The following METTL14 variants were observed in gnomAD, a reference collection of about 807,000 sequenced individuals.
The protein encoded by METTL14 is N(6)-adenosine-methyltransferase non-catalytic subunit METTL14.
METTL14 carries 32 observed loss-of-function variants against 62.4 expected under a neutral mutation model. The observed-to-expected ratio is 0.51, with a 90% CI of 0.39 to 0.69. The LOEUF (loss-of-function observed/expected upper bound fraction) is 0.69, where lower values mean the gene tolerates loss of function less well. METTL14 is among the 30% of genes least tolerant of loss of function. METTL14 has a pLI of 0.00. For synonymous variants in METTL14, 150 were observed against 180.0 expected (o/e 0.83, Z 1.34); for missense variants, 340 against 551.9 (o/e 0.62, Z 3.85).
In METTL14 at chr4:118,709,333, A is replaced by G. The variant is rs572499123; in HGVS notation, c.1067-665A>G. ...TTTGGGCTTTGTGGAAACAGTTGGA[A>G]GGTTTTTGAGCAGAGAAGTGACATG... On this transcript the variant is annotated intron_variant, in intron 10 of 10. Coordinates refer to ENST00000388822, the MANE Select transcript of METTL14 (RefSeq NM_020961.4). Among the ~76,000 whole-genome samples the G allele has an allele frequency of 7.2e-5, 11 of 152,322 alleles. 1 individual carries two copies. The highest frequency in any genetic ancestry group is 1.6e-4 in the Non-Finnish European group (11 of 68,028).
At chr4:118,691,883 A>G in intron 4 of METTL14, 98 bp from the exon 5 acceptor site, 1 of 770,320 alleles carries the variant, frequency 1.3e-6, no homozygotes. Context: ...CTATCAATTG[A>G]TTGCATTTTA....
rs985903545 is a variant in METTL14, at chr4:118,715,192, CTG to C, written c.*4892_*4893del. The C allele has an allele frequency of 1.4e-4, 22 of 152,112 alleles. No homozygotes were observed. The highest frequency in any genetic ancestry group is 9.7e-5 in the African/African-American group (4 of 41,398). 9.4% of individuals were successfully genotyped at this position (152,112 alleles called of 1,614,324 possible). A position where few individuals can be genotyped will look rare whatever the true frequency, so the allele number is the denominator to read the frequency against. The stretch of plus-strand genomic sequence containing the variant: ...TCCTTACCTGTACAGATTTTTATAA[CTG>C]TTGTTATCATAAGAGAATGGCTACA... On this transcript the variant is annotated 3_prime_UTR_variant, in exon 11 of 11. Coordinates refer to ENST00000388822, the MANE Select transcript of METTL14 (RefSeq NM_020961.4).
At chr4:118,694,894 T>A (rs1169447799) in intron 6 of METTL14, among the ~76,000 whole-genome samples, 1 of 152,088 alleles carries the variant, frequency 6.6e-6, no homozygotes, top group African/African-American at 2.4e-5. Flanking sequence ...CTCCGCCCCC[T>A]GGGTTCAAGT....
intron 7 of METTL14, among the ~76,000 whole-genome samples, chr4:118,698,588 C>T (rs1724495557): frequency 6.6e-6 from 1 of 151,742 alleles, no homozygotes; most frequent in Non-Finnish European, 1.5e-5. Context: ...GTGATACATT[C>T]AGCAATGTTT....
chr4:118,697,387 C>A (rs1724445288), intron 7 of METTL14, 64 bp downstream of exon 7: 2 of 1,345,476 alleles, frequency 1.5e-6, no homozygotes, highest in South Asian at 1.5e-5. Flanking sequence ...TTTATTTGGT[C>A]AGAAAGTGAG....
rs375693332 is a variant in METTL14 at position 118,688,964 on chromosome 4, G to A, written c.156-406G>A. ...TGGGATTACAGGCATGACCCACCAT[G>A]CCCAGCCTAAAAATTTTTATAAAAG... On this transcript the variant is annotated intron_variant, in intron 2 of 10. Coordinates refer to ENST00000388822, the MANE Select transcript of METTL14 (RefSeq NM_020961.4). Among the ~76,000 whole-genome samples the A allele has an allele frequency of 1.2e-4, 19 of 152,256 alleles. No individual in the cohort carries two copies. The East Asian group carries it at 1.5e-3, about 12-fold the overall frequency.
Position 118,711,137 on chromosome 4 carries a change from G to A in METTL14, c.*835G>A, listed in dbSNP as rs1724907351. 6.6e-6 allele frequency: 1 copy of A among 152,126 alleles called. No homozygotes were observed. The highest frequency in any genetic ancestry group is 2.1e-4 in the South Asian group (1 of 4,824). The allele number at this position is 152,126 out of a possible 1,614,324, so 9.4% of individuals were successfully genotyped here. A position where few individuals can be genotyped will look rare whatever the true frequency, so the allele number is the denominator to read the frequency against. On this transcript the variant is annotated 3_prime_UTR_variant, in exon 11 of 11. Transcript: ENST00000388822. ...CAGATGCTTGGTTTATACATTTTGG[G>A]ACTAAAATACTTGGTGATGAAATGA...
In METTL14 at chr4:118,712,900, T is replaced by C. The variant is rs1724963683; in HGVS notation, c.*2598T>C. On this transcript the variant is annotated 3_prime_UTR_variant, in exon 11 of 11. Transcript: ENST00000388822. ...AGTAGGAATACTTTTTTACTCTTCT[T>C]CACTGTGGAGAAAGAAGAGGGCAGG... is the stretch of plus-strand genomic sequence containing the variant. The C allele has an allele frequency of 6.6e-6, 1 of 152,160 alleles. No individual in the cohort carries two copies. The highest frequency in any genetic ancestry group is 1.5e-5 in the Non-Finnish European group (1 of 68,036). The allele number at this position is 152,160 out of a possible 1,614,324, so 9.4% of individuals were successfully genotyped here. A position where few individuals can be genotyped will look rare whatever the true frequency, so the allele number is the denominator to read the frequency against.
chr4:118,687,917 TC>T lies in METTL14; in HGVS notation c.67-5del. On this transcript the variant is annotated splice_region_variant and splice_polypyrimidine_tract_variant and intron_variant, in intron 1 of 10. Coordinates refer to ENST00000388822, the MANE Select transcript of METTL14 (RefSeq NM_020961.4). Reference sequence around the variant, plus strand: ...CAATCTAATTTCTGATTTTGTCTTTTCTCAGTTGGGAGCTGAAAGTGCCGAC... The same window carrying T: ...CAATCTAATTTCTGATTTTGTCTTTTTCAGTTGGGAGCTGAAAGTGCCGAC... The T allele has an allele frequency of 1.2e-6, 2 of 1,613,054 alleles. No homozygotes were observed. Among genetic ancestry groups the T allele is most frequent in the Admixed American group, 1.7e-5 (1 of 59,836 alleles).
chr4:118,693,642 G>T (rs1374960589), intron 5 of METTL14, among the ~76,000 whole-genome samples: 1 of 152,092 alleles, frequency 6.6e-6, no homozygotes, highest in Non-Finnish European at 1.5e-5. Flanking sequence ...TGGTTAAATT[G>T]TATAACCAGA....
chr4:118,687,822 T>G, intron 1 of METTL14, 101 bp from the exon 2 acceptor site: 1 of 803,336 alleles, frequency 1.2e-6, no homozygotes, highest in Non-Finnish European at 2.0e-6. Flanking sequence ...AATTAAGGTG[T>G]TTTTGTTTTT....
intron 10 of METTL14, 120 bp downstream of exon 10, chr4:118,705,941 C>G (rs1342225891): frequency 6.3e-6 from 5 of 799,546 alleles, no homozygotes; most frequent in Non-Finnish European, 1.0e-5. Context: ...TGCTGTACTT[C>G]AAATATGAAC....
Position 118,710,474 on chromosome 4 carries a change from T to C in METTL14, c.*172T>C, listed in dbSNP as rs4834698. Reference sequence around the variant, plus strand: ...GCTTGCAGTTGTCACACACACTGTCTGGTTTTTTTCAGGATAAATGAATGA... The same window carrying C: ...GCTTGCAGTTGTCACACACACTGTCCGGTTTTTTTCAGGATAAATGAATGA... On this transcript the variant is annotated 3_prime_UTR_variant, in exon 11 of 11. Coordinates refer to ENST00000388822, the MANE Select transcript of METTL14 (RefSeq NM_020961.4). 185,946 of 629,248 alleles carry C rather than the reference T, an allele frequency of 0.3. 30,993 individuals are homozygous for C. The highest frequency in any genetic ancestry group is 0.47 in the Admixed American group (14,851 of 31,284). The allele number at this position is 629,248 out of a possible 1,614,324, so 39.0% of individuals were successfully genotyped here.
At chr4:118,692,647 A>T (rs1724285480) in intron 5 of METTL14, among the ~76,000 whole-genome samples, 1 of 152,190 alleles carries the variant, frequency 6.6e-6, no homozygotes, top group Admixed American at 6.5e-5. Context: ...TATTATGCCT[A>T]TTCTTGCATT....
chr4:118,687,434 T>C (rs1207297149), intron 1 of METTL14, among the ~76,000 whole-genome samples: 1 of 152,192 alleles, frequency 6.6e-6, no homozygotes, highest in African/African-American at 2.4e-5. Context: ...TGTCTTATTT[T>C]CAAATACAGA....
At chr4:118,691,642 C>T in intron 4 of METTL14, 30 bp downstream of exon 4, 2 of 1,150,424 alleles carry the variant, frequency 1.7e-6, no homozygotes, top group Non-Finnish European at 1.2e-6. Flanking sequence ...AATTTTGTAA[C>T]TCTTCATATT....
chr4:118,686,201 A>G (rs1724052902), intron 1 of METTL14, among the ~76,000 whole-genome samples: 1 of 152,218 alleles, frequency 6.6e-6, no homozygotes, highest in African/African-American at 2.4e-5. Flanking sequence ...AAAAGGCTCC[A>G]TACGTTAAGG....
chr4:118,686,882 C>G (rs1323097558), intron 1 of METTL14, among the ~76,000 whole-genome samples: 3 of 152,260 alleles, frequency 2.0e-5, no homozygotes, highest in Non-Finnish European at 4.4e-5. Context: ...ACTTAGCCAG[C>G]CTTATAACCA....
chr4:118,710,519 C>A lies in METTL14; in HGVS notation c.*217C>A, dbSNP rs190648195. The A allele has an allele frequency of 2.0e-6, 1 of 500,844 alleles. No homozygotes were observed. The highest frequency in any genetic ancestry group is 3.5e-6 in the Non-Finnish European group (1 of 283,104). 31.0% of individuals were successfully genotyped at this position (500,844 alleles called of 1,614,324 possible). On this transcript the variant is annotated 3_prime_UTR_variant, in exon 11 of 11. Coordinates refer to ENST00000388822, the MANE Select transcript of METTL14 (RefSeq NM_020961.4). ...GAATGATTCTGCCTTTTGTTATGTG[C>A]GTGAACAGAATGGAACAACTCAAGT...
Sources: gnomAD v4.1 joint callset for allele counts (sites outside exome capture counted in the v4.1 genomes callset) on GRCh38, gnomAD v4.1.1 for gene constraint, MANE v1.5 for transcripts, NCBI Gene and HGNC (gene_info 2026-07-23, HGNC 2026-07-21) for gene names.